SLIT1: variants seen among roughly 807,000 people sequenced by gnomAD.
The protein encoded by SLIT1 is slit homolog 1 protein.
Under a neutral mutation model 186.1 loss-of-function variants are expected in SLIT1, and 66 were observed. The ratio of observed to expected loss-of-function variants is 0.35; its 90% CI spans 0.29 to 0.44. The LOEUF (loss-of-function observed/expected upper bound fraction) is 0.44, where lower values mean the gene tolerates loss of function less well. Ranked by LOEUF, SLIT1 falls within the 20% of genes least tolerant of loss-of-function variation. SLIT1 has a pLI of 1.00. For missense variants in SLIT1, 1,638 were observed against 2,037.4 expected, an observed-to-expected ratio of 0.80 and a Z score of 3.77; for synonymous variants, 761 against 833.8, an observed-to-expected ratio of 0.91 and a Z score of 1.50.
intron 4 of SLIT1, among the ~76,000 whole-genome samples, chr10:97,142,669 AATGGAAAGGCAACTT>A (rs1161000475): frequency 6.6e-6 from 1 of 152,232 alleles, no homozygotes; most frequent in Non-Finnish European, 1.5e-5. Context: ...CAGTCAAAAG[AATGGAAAGGCAACTT>A]ATGGAATGGA....
Position 97,034,412 on chromosome 10 carries a change from AG to A in SLIT1, c.2438+58del, listed in dbSNP as rs1848619993. Reference sequence around the variant, plus strand: ...GGAGCAAAAAGCACAGGCTGGGGCTAGGGAATGACTCACAGCCATGGCCCCG... The same window carrying A: ...GGAGCAAAAAGCACAGGCTGGGGCTAGGAATGACTCACAGCCATGGCCCCG... On this transcript the variant is annotated intron_variant, in intron 23 of 36. Coordinates refer to ENST00000266058, the MANE Select transcript of SLIT1 (RefSeq NM_003061.3). 13 of 1,189,544 alleles carry A rather than the reference AG, an allele frequency of 1.1e-5. No individual in the cohort carries two copies. In the South Asian group the frequency reaches 1.5e-4, roughly 13 times the overall value. The allele number at this position is 1,189,544 out of a possible 1,614,324, so 73.7% of individuals were successfully genotyped here.
intron 4 of SLIT1, among the ~76,000 whole-genome samples, chr10:97,125,200 T>C (rs1849593540): frequency 6.6e-6 from 1 of 152,176 alleles, no homozygotes; most frequent in African/African-American, 2.4e-5. Flanking sequence ...ACCACCTCCA[T>C]TTCTAGGAGT....
chr10:97,098,875 G>T (rs1350120334), intron 4 of SLIT1, among the ~76,000 whole-genome samples: 2 of 152,180 alleles, frequency 1.3e-5, no homozygotes, highest in Non-Finnish European at 2.9e-5. Flanking sequence ...GAGGGCAGGA[G>T]TATCACGTGG....
intron 11 of SLIT1, 106 bp downstream of exon 11, chr10:97,059,354 G>T (rs1001216128): frequency 3.3e-6 from 3 of 896,964 alleles, no homozygotes; most frequent in East Asian, 4.9e-5. Context: ...GTGTGGAGGG[G>T]GGCATAGCCC....
At chr10:97,018,796 T>TTTCA in intron 27 of SLIT1, 113 bp from the exon 28 acceptor site, 1 of 693,118 alleles carries the variant, frequency 1.4e-6, no homozygotes, top group South Asian at 1.8e-5. Context: ...AGTTACTTGT[T>TTTCA]TTCATTCATT....
intron 4 of SLIT1, chr10:97,154,388 G>A (rs140763530): frequency 6.6e-6 from 1 of 152,392 alleles, no homozygotes; most frequent in East Asian, 1.9e-4. Context: ...GAGCCCTGCA[G>A]GAGTCCTCTC....
rs543921870 is a variant in SLIT1 at position 97,174,386 on chromosome 10, G to A, written c.198-9496C>T. 1.2e-4 allele frequency among the ~76,000 whole-genome samples: 18 copies of A among 152,316 alleles called. 1 individual carries two copies. In the South Asian group the frequency reaches 3.1e-3, roughly 26 times the overall value. ...TACTCAAGGCCTTGCACGCACTCCC[G>A]TCAGCCAGCTGGGCCTTCCCCACAT... On this transcript the variant is annotated intron_variant, in intron 1 of 36. Coordinates refer to ENST00000266058, the MANE Select transcript of SLIT1 (RefSeq NM_003061.3).
chr10:97,181,331 C>G (rs1850335609), intron 1 of SLIT1, among the ~76,000 whole-genome samples: 1 of 152,222 alleles, frequency 6.6e-6, no homozygotes, highest in Admixed American at 6.5e-5. Flanking sequence ...ACCTCATTTA[C>G]CAAGGTCACC....
chr10:97,032,682 AG>A (rs1480569227), intron 23 of SLIT1, among the ~76,000 whole-genome samples: 1 of 152,208 alleles, frequency 6.6e-6, no homozygotes, highest in Non-Finnish European at 1.5e-5. Flanking sequence ...GAATCCATCC[AG>A]GGCAGACAGG....
In SLIT1 at chr10:97,010,262, CG is replaced by C. The variant is rs1429758878; in HGVS notation, c.3341+730del. ...TGAAGTGCCGACACATGTTACCACA[CG>C]GATGAACCTCAAAACATGATGCTGA... is the stretch of plus-strand genomic sequence containing the variant. On this transcript the variant is annotated intron_variant, in intron 31 of 36. Transcript: ENST00000266058. This position sits in a 1 kb window ranked among gnomAD's most constrained non-coding sequence, Gnocchi z 4.8. Among the ~76,000 whole-genome samples, 1 of 152,218 alleles carries C rather than the reference CG, an allele frequency of 6.6e-6. No homozygotes were observed. Among genetic ancestry groups the C allele is most frequent in the African/African-American group, 2.4e-5 (1 of 41,440 alleles).
intron 2 of SLIT1, 61 bp from the exon 3 acceptor site, chr10:97,163,512 C>G: frequency 1.3e-6 from 2 of 1,484,046 alleles, no homozygotes; most frequent in Admixed American, 1.7e-5. Context: ...CTAGAAACAG[C>G]TGGCACAACG....
At chr10:97,150,193 G>C (rs559514745) in intron 4 of SLIT1, among the ~76,000 whole-genome samples, 48 of 152,294 alleles carry the variant, frequency 3.2e-4, no homozygotes, top group African/African-American at 9.4e-4. Flanking sequence ...CTGGTGTCTC[G>C]GGGCATGGCT....
intron 11 of SLIT1, among the ~76,000 whole-genome samples, 182 bp from the exon 12 acceptor site, chr10:97,057,463 G>A (rs552807177): frequency 4.9e-4 from 75 of 152,384 alleles, no homozygotes; most frequent in Non-Finnish European, 8.8e-4. Context: ...TTAAGAAAGC[G>A]TTGCCTGCTT....
At chr10:97,030,903 C>T in intron 24 of SLIT1, 75 bp from the exon 25 acceptor site, 1 of 1,306,288 alleles carries the variant, frequency 7.7e-7, no homozygotes, top group Non-Finnish European at 1.1e-6. Context: ...GAGGCCCAGC[C>T]CTCTGCAGAG....
rs569179984 is a variant in SLIT1, at chr10:97,030,869, G to A, written c.2511-41C>T. The A allele has an allele frequency of 2.7e-5, 42 of 1,555,066 alleles. No individual in the cohort carries two copies. The Admixed American group carries it at 4.9e-4, about 18-fold the overall frequency. On this transcript the variant is annotated intron_variant, in intron 24 of 36. Transcript: ENST00000266058. ...GCTGCTGGTGCCTTATCCAGGGACAGAGATGGGAGACCTGCTGGAGGGAGA... is the reference window on the plus strand; with the variant it reads ...GCTGCTGGTGCCTTATCCAGGGACAAAGATGGGAGACCTGCTGGAGGGAGA...
chr10:97,074,654 C>A (rs1322097535), intron 4 of SLIT1, among the ~76,000 whole-genome samples: 1 of 152,358 alleles, frequency 6.6e-6, no homozygotes, highest in African/African-American at 2.4e-5. Context: ...GATCAAGCAC[C>A]CCAGGAGGCA....
intron 20 of SLIT1, 109 bp downstream of exon 20, chr10:97,042,792 G>A: frequency 8.2e-7 from 1 of 1,213,430 alleles, no homozygotes; most frequent in South Asian, 1.4e-5. Context: ...CTCCTCTCAG[G>A]GGCATGCCAG....
intron 1 of SLIT1, among the ~76,000 whole-genome samples, chr10:97,173,251 G>A (rs560725870): frequency 2.6e-5 from 4 of 152,340 alleles, no homozygotes; most frequent in South Asian, 4.1e-4. Flanking sequence ...CAGGGTAGCC[G>A]GTGGAACGGG....
intron 30 of SLIT1, among the ~76,000 whole-genome samples, chr10:97,011,693 C>T (rs73320607): frequency 0.13 from 19,241 of 152,138 alleles, 1,487 homozygotes; most frequent in African/African-American, 0.21. Context: ...CCTTTGGGCT[C>T]CTGTCTGCCT....
Sources: allele counts gnomAD v4.1 joint callset (sites outside exome capture counted in the v4.1 genomes callset), GRCh38; gene constraint gnomAD v4.1.1; non-coding constraint Gnocchi (gnomAD v3.1); transcripts MANE v1.5; gene names NCBI Gene and HGNC (gene_info 2026-07-23, HGNC 2026-07-21).